Variants in ITGA4 observed in about 807,000 individuals in gnomAD.
ITGA4 encodes the protein integrin subunit alpha 4.
A neutral mutation model predicts 133.6 loss-of-function variants in ITGA4; 63 were observed. The ratio of observed to expected loss-of-function variants is 0.47; its 90% CI spans 0.38 to 0.58. The LOEUF (loss-of-function observed/expected upper bound fraction) is 0.58, where lower values mean the gene tolerates loss of function less well. Among genes scored for constraint, ITGA4 ranks in the 20% least tolerant of loss-of-function variants. The pLI, the probability that ITGA4 is intolerant of heterozygous loss-of-function variation, is 0.00. For synonymous variants in ITGA4, 483 were observed against 438.0 expected (o/e 1.10, Z -1.28); for missense variants, 1,076 against 1,252.7 (o/e 0.86, Z 2.13).
rs1001117795 is a variant in ITGA4 at position 181,523,207 on chromosome 2, CATAT to C, written c.2074-226_2074-223del. 1 of 357,714 alleles carries C rather than the reference CATAT, an allele frequency of 2.8e-6. No homozygotes were observed. Among genetic ancestry groups the C allele is most frequent in the Non-Finnish European group, 5.3e-6 (1 of 189,364 alleles). 22.2% of individuals were successfully genotyped at this position (357,714 alleles called of 1,614,324 possible). ...ACACATACACATATATATACACACA[CATAT>C]ATACACACATATATACATACATATA... On this transcript the variant is annotated intron_variant, in intron 18 of 27. Coordinates refer to ENST00000397033, the MANE Select transcript of ITGA4 (RefSeq NM_000885.6). This position sits in a 1 kb window ranked among gnomAD's most constrained non-coding sequence, Gnocchi z 4.2.
intron 5 of ITGA4, 70 bp from the exon 6 acceptor site, chr2:181,480,067 C>T (rs1380473629): frequency 8.6e-6 from 9 of 1,049,514 alleles, no homozygotes; most frequent in Middle Eastern, 2.8e-4. Context: ...TCTTCACTAT[C>T]GTGTATCTGG....
intron 10 of ITGA4, among the ~76,000 whole-genome samples, chr2:181,489,187 CTT>C (rs900937374): frequency 1.3e-5 from 2 of 152,166 alleles, no homozygotes; most frequent in Non-Finnish European, 2.9e-5. Flanking sequence ...CACTTAATGT[CTT>C]TTTATTATGC....
chr2:181,478,338 C>CT (rs1276144817), intron 4 of ITGA4, among the ~76,000 whole-genome samples: 1 of 151,976 alleles, frequency 6.6e-6, no homozygotes, highest in Non-Finnish European at 1.5e-5. Flanking sequence ...GAGTAGATTT[C>CT]ACTCTAAATG....
Position 181,509,668 on chromosome 2 carries a change from G to A in ITGA4, c.1706G>A (p.Arg569Gln), listed in dbSNP as rs770237062. 1.6e-5 allele frequency: 25 copies of A among 1,581,024 alleles called. No homozygotes were observed. Among genetic ancestry groups the A allele is most frequent in the Non-Finnish European group, 2.1e-5 (24 of 1,166,990 alleles). Residue 569 changes from arginine (R) to glutamine (Q), a missense_variant, in exon 16 of 28, where the codon CGG becomes CAG. By Grantham distance (43) the Arg-to-Gln change is conservative (BLOSUM62 1). Transcript: ENST00000397033. ...THQAFMRKDV[R>Q]DILTPIQIEA... is the part of the protein sequence containing the mutation. Reference sequence around the variant, plus strand: ...GGTTATTTTCCTTAGAAAGATGTGCGGGACATCCTCACCCCAATTCAGATT... The same window carrying A: ...GGTTATTTTCCTTAGAAAGATGTGCAGGACATCCTCACCCCAATTCAGATT...
At chr2:181,470,080 T>C (rs896522768) in intron 2 of ITGA4, among the ~76,000 whole-genome samples, 2 of 151,748 alleles carry the variant, frequency 1.3e-5, no homozygotes, top group Non-Finnish European at 2.9e-5. Context: ...AAAAAAAAGA[T>C]ATAAATGTTG....
chr2:181,468,850 A>G (rs1057318323), intron 2 of ITGA4, among the ~76,000 whole-genome samples: 2 of 152,190 alleles, frequency 1.3e-5, no homozygotes, highest in African/African-American at 4.8e-5. Flanking sequence ...TTAAATATCT[A>G]GTGGAAAAAT....
Position 181,481,737 on chromosome 2 carries a change from T to G in ITGA4, c.840+54T>G, listed in dbSNP as rs1043356056. The G allele has an allele frequency of 6.9e-5, 55 of 798,536 alleles. No homozygotes were observed. In the Admixed American group the frequency reaches 1.1e-3, roughly 15 times the overall value. The allele number at this position is 798,536 out of a possible 1,614,324, so 49.5% of individuals were successfully genotyped here. A position where few individuals can be genotyped will look rare whatever the true frequency, so the allele number is the denominator to read the frequency against. On this transcript the variant is annotated intron_variant, in intron 7 of 27. Coordinates refer to ENST00000397033, the MANE Select transcript of ITGA4 (RefSeq NM_000885.6). ...TTCACAAAGGTTCAAATATATTGCATGAATAAGATATTAAAGGAGAAACTG... is the reference window on the plus strand; with the variant it reads ...TTCACAAAGGTTCAAATATATTGCAGGAATAAGATATTAAAGGAGAAACTG...
chr2:181,500,316 CT>C (rs1375221812), intron 15 of ITGA4, among the ~76,000 whole-genome samples: 2 of 152,184 alleles, frequency 1.3e-5, no homozygotes, highest in Non-Finnish European at 2.9e-5. Flanking sequence ...ACAGTTGCAG[CT>C]ACCCTGAACT....
At position 181,531,715 on chromosome 2, in the gene ITGA4, A is replaced by G. The variant is rs779674555; in HGVS notation, c.2723A>G (p.Glu908Gly). 5 of 1,607,778 alleles carry G rather than the reference A, an allele frequency of 3.1e-6. No homozygotes were observed. The African/African-American group carries it at 5.4e-5, about 17-fold the overall frequency. ...LNFLCNFGKMESGKEASVHIQ... is the reference protein window; with the variant it reads ...LNFLCNFGKMGSGKEASVHIQ... ...TTCTTGTGTAATTTTGGGAAAATGG[A>G]AAGTGGAAAAGAAGCCAGTGTTCAT... Residue 908 changes from glutamate to glycine, a missense_variant, in exon 25 of 28, where the codon GAA becomes GGA. Physicochemically the swap from Glu to Gly is moderately conservative, Grantham distance 98 (BLOSUM62 -2). Transcript: ENST00000397033.
chr2:181,476,360 T>C (rs1685676284), intron 4 of ITGA4: 1 of 152,204 alleles, frequency 6.6e-6, no homozygotes, highest in African/African-American at 2.4e-5. Context: ...CCATCTACAA[T>C]TGTAAAATAC....
intron 2 of ITGA4, 111 bp from the exon 3 acceptor site, chr2:181,474,849 A>G (rs1368171261): frequency 1.4e-6 from 1 of 705,262 alleles, no homozygotes; most frequent in East Asian, 2.7e-5. Context: ...TGCACTGAAT[A>G]TAAGATAGAG....
At chr2:181,528,353 GC>G (rs1287891810) in intron 22 of ITGA4, among the ~76,000 whole-genome samples, 15 of 152,296 alleles carry the variant, frequency 9.8e-5, no homozygotes, top group Admixed American at 2.0e-4. Flanking sequence ...GGGAGTTTGT[GC>G]TTTGATAAAC....
intron 26 of ITGA4, 121 bp downstream of exon 26, chr2:181,534,491 G>A (rs1349375254): frequency 1.5e-6 from 1 of 684,996 alleles, no homozygotes; most frequent in Non-Finnish European, 2.6e-6. Flanking sequence ...GCTCATGGAG[G>A]GCCCCCAATA....
In ITGA4 at chr2:181,476,842, A is replaced by G. The variant is rs80099060; in HGVS notation, c.556+1554A>G. ...GCAACTTATATGGAGCTGGAGGCCAATAACCTAAGCGAACTAACACAGGAA... is the reference window on the plus strand; with the variant it reads ...GCAACTTATATGGAGCTGGAGGCCAGTAACCTAAGCGAACTAACACAGGAA... On this transcript the variant is annotated intron_variant, in intron 4 of 27. Coordinates refer to ENST00000397033, the MANE Select transcript of ITGA4 (RefSeq NM_000885.6). Among the ~76,000 whole-genome samples the G allele has an allele frequency of 8.4e-3, 1,283 of 152,224 alleles. 22 individuals are homozygous for G. Among genetic ancestry groups the G allele is most frequent in the African/African-American group, 0.029 (1,214 of 41,536 alleles).
At chr2:181,499,577 A>AT (rs1271274472) in intron 15 of ITGA4, among the ~76,000 whole-genome samples, 1 of 152,170 alleles carries the variant, frequency 6.6e-6, no homozygotes, top group Non-Finnish European at 1.5e-5. Flanking sequence ...TTAGATACTT[A>AT]TTCCAAGCAA....
At chr2:181,458,135 C>CA (rs1355541177) in intron 1 of ITGA4, 61 bp from the exon 2 acceptor site, 1 of 1,607,112 alleles carries the variant, frequency 6.2e-7, no homozygotes, top group Non-Finnish European at 8.5e-7. Flanking sequence ...TCTGTGGCGA[C>CA]AGGGAGCTCA....
intron 17 of ITGA4, among the ~76,000 whole-genome samples, chr2:181,515,698 C>A (rs1385170314): frequency 6.6e-6 from 1 of 152,052 alleles, no homozygotes; most frequent in Admixed American, 6.6e-5. Flanking sequence ...TAATTAATTT[C>A]TTAGACTCAC....
chr2:181,477,124 GT>G (rs951418900), intron 4 of ITGA4, among the ~76,000 whole-genome samples: 4 of 151,750 alleles, frequency 2.6e-5, no homozygotes, highest in African/African-American at 4.8e-5. Flanking sequence ...GAACCTGAAA[GT>G]TTTTTTTTAA....
chr2:181,470,755 T>A (rs2105721702), intron 2 of ITGA4, among the ~76,000 whole-genome samples: 1 of 152,102 alleles, frequency 6.6e-6, no homozygotes, highest in Non-Finnish European at 1.5e-5. Flanking sequence ...GGCACCTATA[T>A]CCCCAGCTAC....
Sources: gnomAD v4.1 joint callset for allele counts (sites outside exome capture counted in the v4.1 genomes callset) on GRCh38, gnomAD v4.1.1 for gene constraint, Gnocchi (gnomAD v3.1) non-coding constraint, MANE v1.5 for transcripts, NCBI Gene and HGNC (gene_info 2026-07-23, HGNC 2026-07-21) for gene names.